The following MDGA2 variants were observed in gnomAD, a reference collection of about 807,000 sequenced individuals.
MDGA2 encodes the protein MAM domain-containing glycosylphosphatidylinositol anchor protein 2.
In MDGA2, 40 loss-of-function variants were observed where a neutral mutation model predicts 117.8. The ratio of observed to expected loss-of-function variants is 0.34; its 90% CI spans 0.26 to 0.44. MDGA2 has a LOEUF of 0.44. Among genes scored for constraint, MDGA2 ranks in the 20% least tolerant of loss-of-function variants. The pLI is 1.00. For synonymous variants in MDGA2, 452 were observed against 439.0 expected (o/e 1.03, Z -0.37); for missense variants, 1,123 against 1,250.6 (o/e 0.90, Z 1.54).
chr14:47,328,232 A>G (rs1177529865), intron 1 of MDGA2, among the ~76,000 whole-genome samples: 1 of 152,140 alleles, frequency 6.6e-6, no homozygotes, highest in Non-Finnish European at 1.5e-5. Context: ...TCACTGGAAG[A>G]CAAATGTGGA....
chr14:47,200,511 CTTTTCTTTTTTCT>C, intron 3 of MDGA2: 3 of 589,660 alleles, frequency 5.1e-6, no homozygotes, highest in Non-Finnish European at 8.1e-6. Flanking sequence ...TTCTATTTTT[CTTTTCTTTTTTCT>C]TTTTCTTTTC....
At chr14:47,549,343 ATCTCTC>A (rs3039661) in intron 1 of MDGA2, among the ~76,000 whole-genome samples, 3 of 140,112 alleles carry the variant, frequency 2.1e-5, no homozygotes, top group African/African-American at 8.1e-5. Context: ...CACCAGTATT[ATCTCTC>A]TCTCTCTCTC....
intron 8 of MDGA2, among the ~76,000 whole-genome samples, chr14:46,977,659 A>C (rs1314099584): frequency 6.6e-6 from 1 of 151,956 alleles, no homozygotes; most frequent in Non-Finnish European, 1.5e-5. Context: ...TTACTTAAGA[A>C]GACAAATAGT....
At chr14:47,016,921 C>T (rs1411579378) in intron 8 of MDGA2, among the ~76,000 whole-genome samples, 1 of 150,544 alleles carries the variant, frequency 6.6e-6, no homozygotes. Flanking sequence ...TTTTATATCT[C>T]TTATTCGTAG....
At chr14:47,510,905 C>T (rs1894625699) in intron 1 of MDGA2, among the ~76,000 whole-genome samples, 1 of 152,084 alleles carries the variant, frequency 6.6e-6, no homozygotes, top group African/African-American at 2.4e-5. Context: ...GTGTGGATCT[C>T]AGCTCAAATG....
intron 8 of MDGA2, among the ~76,000 whole-genome samples, chr14:47,011,585 A>G (rs1344949140): frequency 6.6e-6 from 1 of 151,982 alleles, no homozygotes; most frequent in African/African-American, 2.4e-5. Context: ...CACTAACTGT[A>G]TATGTAGAGT....
intron 1 of MDGA2, among the ~76,000 whole-genome samples, chr14:47,601,320 G>A (rs909269154): frequency 2.6e-5 from 4 of 152,120 alleles, no homozygotes; most frequent in Non-Finnish European, 4.4e-5. Flanking sequence ...GGACTCCTTT[G>A]AGGTGACAGG....
At chr14:47,384,448 A>T (rs535243649) in intron 1 of MDGA2, among the ~76,000 whole-genome samples, 22 of 152,088 alleles carry the variant, frequency 1.4e-4, no homozygotes, top group African/African-American at 5.3e-4. Flanking sequence ...TTCCAGGATC[A>T]TTCCTCATAG....
intron 2 of MDGA2, among the ~76,000 whole-genome samples, chr14:47,230,671 T>C (rs1423373480): frequency 6.6e-6 from 1 of 151,994 alleles, no homozygotes; most frequent in Non-Finnish European, 1.5e-5. Context: ...ACACATTATA[T>C]GGGTACCTTG....
chr14:47,597,377 T>C (rs939075211), intron 1 of MDGA2, among the ~76,000 whole-genome samples: 2 of 152,140 alleles, frequency 1.3e-5, no homozygotes, highest in Non-Finnish European at 2.9e-5. Context: ...GGGAAAAATA[T>C]TATAGGTGAC....
intron 8 of MDGA2, among the ~76,000 whole-genome samples, chr14:46,981,173 G>GA (rs1555340293): frequency 9.2e-6 from 1 of 108,420 alleles, no homozygotes; most frequent in Non-Finnish European, 2.1e-5. Flanking sequence ...GGAGGCCAAG[G>GA]GGGGGGCGGA....
At chr14:47,074,332 G>C (rs1163361547) in intron 6 of MDGA2, among the ~76,000 whole-genome samples, 1 of 147,862 alleles carries the variant, frequency 6.8e-6, no homozygotes, top group Non-Finnish European at 1.5e-5. Context: ...GTGGAGTCTC[G>C]CTCTGTCACC....
intron 1 of MDGA2, among the ~76,000 whole-genome samples, chr14:47,531,563 T>C (rs928361856): frequency 2.8e-4 from 42 of 152,200 alleles, no homozygotes; most frequent in African/African-American, 8.7e-4. Context: ...TGGATAATAA[T>C]AACATCTGCA....
chr14:47,268,992 A>T (rs1421460114), intron 2 of MDGA2, among the ~76,000 whole-genome samples: 1 of 152,232 alleles, frequency 6.6e-6, no homozygotes, highest in Admixed American at 6.5e-5. Context: ...AGTAAGGCTC[A>T]CTGTGAGCTA....
chr14:47,435,275 C>G (rs1295425698), intron 1 of MDGA2, among the ~76,000 whole-genome samples: 1 of 152,062 alleles, frequency 6.6e-6, no homozygotes, highest in Non-Finnish European at 1.5e-5. Context: ...TTAAATATAC[C>G]CAATTCTCTT....
At chr14:47,454,365 A>G (rs901887334) in intron 1 of MDGA2, among the ~76,000 whole-genome samples, 1 of 152,218 alleles carries the variant, frequency 6.6e-6, no homozygotes, top group African/African-American at 2.4e-5. Flanking sequence ...TATCATAAAT[A>G]ATGATGTTTT....
At chr14:47,276,480 G>A (rs139430938) in intron 2 of MDGA2, among the ~76,000 whole-genome samples, 71 of 152,228 alleles carry the variant, frequency 4.7e-4, no homozygotes, top group Non-Finnish European at 8.4e-4. Context: ...ACCAAATGTT[G>A]ATGGAGGTGT....
chr14:46,857,779 A>C (rs1451722998), intron 14 of MDGA2, among the ~76,000 whole-genome samples: 1 of 151,976 alleles, frequency 6.6e-6, no homozygotes, highest in Non-Finnish European at 1.5e-5. Flanking sequence ...CTCAGCTTCC[A>C]AAGTAGCTAG....
intron 6 of MDGA2, among the ~76,000 whole-genome samples, chr14:47,093,242 T>C (rs896228979): frequency 2.0e-5 from 3 of 152,114 alleles, no homozygotes; most frequent in Non-Finnish European, 2.9e-5. Context: ...TTTTGGACCA[T>C]GCATCCAAAA....
Sources: gnomAD v4.1 joint callset for allele counts (sites outside exome capture counted in the v4.1 genomes callset) on GRCh38, gnomAD v4.1.1 for gene constraint, MANE v1.5 for transcripts, NCBI Gene and HGNC (gene_info 2026-07-23, HGNC 2026-07-21) for gene names.